Variants in MCF2L2 observed in about 807,000 individuals in gnomAD.
MCF2L2 encodes the protein MCF.2 cell line derived transforming sequence-like 2, also known as probable guanine nucleotide exchange factor MCF2L2.
In MCF2L2, 102 loss-of-function variants were observed where a neutral mutation model predicts 150.2. The ratio of observed to expected loss-of-function variants is 0.68; its 90% CI spans 0.58 to 0.80. The LOEUF (loss-of-function observed/expected upper bound fraction) is 0.80. Among genes scored for constraint, MCF2L2 ranks in the 30% least tolerant of loss-of-function variants. The pLI, the probability that MCF2L2 is intolerant of heterozygous loss-of-function variation, is 0.00. For missense variants in MCF2L2, 1,256 were observed against 1,372.8 expected (o/e 0.91, Z 1.34); for synonymous variants, 465 against 491.3 (o/e 0.95, Z 0.71).
At chr3:183,325,723 A>G (rs188526453) in intron 5 of MCF2L2, among the ~76,000 whole-genome samples, 1 of 152,334 alleles carries the variant, frequency 6.6e-6, no homozygotes, top group East Asian at 1.9e-4. Context: ...TCAGAAACCT[A>G]TCCTGCCAGG....
chr3:183,348,402 G>A (rs957474497), intron 3 of MCF2L2, among the ~76,000 whole-genome samples: 3 of 149,912 alleles, frequency 2.0e-5, no homozygotes, highest in African/African-American at 7.4e-5. Context: ...GGACCTGTCA[G>A]TGGGTCGGGG....
rs71314296 is a variant in MCF2L2, at chr3:183,261,666, T to C, written c.1862+15206A>G. Among the ~76,000 whole-genome samples the C allele has an allele frequency of 4.9e-3, 749 of 152,296 alleles. 2 individuals carry two copies. The highest frequency in any genetic ancestry group is 8.2e-3 in the Non-Finnish European group (557 of 68,012). ...AGAAAATTATCAGTTCAGTCTTGTT[T>C]TCTATGTAGGTTTCACTACAGTATT... On this transcript the variant is annotated intron_variant, in intron 15 of 29. Transcript: ENST00000328913.
intron 14 of MCF2L2, among the ~76,000 whole-genome samples, chr3:183,288,433 TTGTGTGTGTGCA>T (rs1365636618): frequency 2.6e-5 from 4 of 151,980 alleles, no homozygotes; most frequent in South Asian, 2.1e-4. Flanking sequence ...ATTCACGCAC[TTGTGTGTGTGCA>T]TGTGTGTGTG....
intron 5 of MCF2L2, among the ~76,000 whole-genome samples, chr3:183,336,433 A>C (rs942687775): frequency 2.6e-5 from 4 of 152,196 alleles, no homozygotes; most frequent in Non-Finnish European, 4.4e-5. Flanking sequence ...GTAATATGTA[A>C]TCACTATAGA....
At chr3:183,413,024 T>C (rs139292004) in intron 1 of MCF2L2, among the ~76,000 whole-genome samples, 1 of 152,334 alleles carries the variant, frequency 6.6e-6, no homozygotes, top group African/African-American at 2.4e-5. Flanking sequence ...ATGTATTATA[T>C]TGATTGATTT....
At chr3:183,413,160 C>T (rs1165865994) in intron 1 of MCF2L2, among the ~76,000 whole-genome samples, 1 of 152,042 alleles carries the variant, frequency 6.6e-6, no homozygotes. Context: ...TATAGTTGAC[C>T]TTTGAACAAT....
intron 22 of MCF2L2, among the ~76,000 whole-genome samples, chr3:183,208,991 A>G (rs561501884): frequency 1.3e-5 from 2 of 152,240 alleles, no homozygotes; most frequent in East Asian, 1.9e-4. Flanking sequence ...GAAAATTTAC[A>G]TATGTAGACT....
intron 27 of MCF2L2, among the ~76,000 whole-genome samples, chr3:183,190,784 A>G (rs572356457): frequency 6.6e-6 from 1 of 152,360 alleles, no homozygotes; most frequent in South Asian, 2.1e-4. Context: ...CAGCAGAGAC[A>G]TGGGGCCAAC....
intron 12 of MCF2L2, among the ~76,000 whole-genome samples, 171 bp from the exon 13 acceptor site, chr3:183,295,648 A>G (rs1723327565): frequency 6.6e-6 from 1 of 152,044 alleles, no homozygotes; most frequent in South Asian, 2.1e-4. Flanking sequence ...ATGCTCCAGA[A>G]TTGGGTATCT....
chr3:183,306,134 C>T (rs1365375253), intron 10 of MCF2L2, among the ~76,000 whole-genome samples: 1 of 152,194 alleles, frequency 6.6e-6, no homozygotes, highest in Non-Finnish European at 1.5e-5. Flanking sequence ...CTTGTTAGAG[C>T]CAAGATTTGA....
chr3:183,259,808 C>T (rs1343089000), intron 15 of MCF2L2, among the ~76,000 whole-genome samples: 2 of 152,106 alleles, frequency 1.3e-5, no homozygotes, highest in Non-Finnish European at 2.9e-5. Context: ...CTGATGAGGT[C>T]ACTTCTGCCC....
intron 1 of MCF2L2, among the ~76,000 whole-genome samples, chr3:183,399,552 G>A (rs916779370): frequency 2.0e-5 from 3 of 152,144 alleles, no homozygotes; most frequent in East Asian, 3.8e-4. Flanking sequence ...CCAAGTACAC[G>A]GAAAGCACAC....
chr3:183,269,014 T>A (rs1159110005), intron 15 of MCF2L2, among the ~76,000 whole-genome samples: 2 of 150,670 alleles, frequency 1.3e-5, no homozygotes, highest in Non-Finnish European at 1.5e-5. Context: ...AACCTTAATT[T>A]AAAAAAAAAG....
Position 183,179,233 on chromosome 3 carries a change from T to G in MCF2L2, c.*147A>C. The G allele has an allele frequency of 8.6e-7, 1 of 1,156,746 alleles. No homozygotes were observed. Among genetic ancestry groups the G allele is most frequent in the Admixed American group, 4.1e-5 (1 of 24,506 alleles). 71.7% of individuals were successfully genotyped at this position (1,156,746 alleles called of 1,614,324 possible). A position where few individuals can be genotyped will look rare whatever the true frequency, so the allele number is the denominator to read the frequency against. On this transcript the variant is annotated 3_prime_UTR_variant, in exon 30 of 30. Coordinates refer to ENST00000328913, the MANE Select transcript of MCF2L2 (RefSeq NM_015078.4). The surrounding 1 kb of genome is among the most constrained non-coding windows in gnomAD (Gnocchi z 4.2). ...GCACCCAGGACACCCCTCGGGCTCC[T>G]CGGAGGAGGCCCTGGTTGTCCCCTT...
chr3:183,291,544 C>A (rs1209006543), intron 13 of MCF2L2, among the ~76,000 whole-genome samples: 1 of 152,220 alleles, frequency 6.6e-6, no homozygotes, highest in African/African-American at 2.4e-5. Flanking sequence ...GCCAAGGCAT[C>A]CAGCTAACAA....
At chr3:183,335,097 A>AAG (rs1291039414) in intron 5 of MCF2L2, among the ~76,000 whole-genome samples, 4 of 149,962 alleles carry the variant, frequency 2.7e-5, no homozygotes, top group African/African-American at 1.0e-4. Context: ...CAGCCTGGGC[A>AAG]ACAGAGAGAG....
At chr3:183,387,535 A>G (rs1713900897) in intron 2 of MCF2L2, among the ~76,000 whole-genome samples, 1 of 152,224 alleles carries the variant, frequency 6.6e-6, no homozygotes, top group Non-Finnish European at 1.5e-5. Flanking sequence ...TAGAACCCCA[A>G]AATAAACATT....
chr3:183,370,349 C>T (rs1460645434), intron 3 of MCF2L2, among the ~76,000 whole-genome samples: 6 of 152,370 alleles, frequency 3.9e-5, no homozygotes, highest in South Asian at 2.1e-4. Flanking sequence ...GTAGTGTGGC[C>T]GAGCAATGCC....
At chr3:183,248,338 A>G (rs560683168) in intron 15 of MCF2L2, among the ~76,000 whole-genome samples, 4 of 152,220 alleles carry the variant, frequency 2.6e-5, no homozygotes, top group African/African-American at 9.6e-5. Flanking sequence ...TTGGCTTTTT[A>G]GAAGTACTGC....
Sources: allele counts gnomAD v4.1 joint callset (sites outside exome capture counted in the v4.1 genomes callset), GRCh38; gene constraint gnomAD v4.1.1; non-coding constraint Gnocchi (gnomAD v3.1); transcripts MANE v1.5; gene names NCBI Gene and HGNC (gene_info 2026-07-23, HGNC 2026-07-21).